The following THADA variants were observed in gnomAD, a reference collection of about 807,000 sequenced individuals.
The protein encoded by THADA is THADA armadillo repeat containing, also known as tRNA (32-2'-O)-methyltransferase regulator THADA.
A neutral mutation model predicts 219.8 loss-of-function variants in THADA; 213 were observed. That is an observed-to-expected ratio of 0.97 (90% CI 0.87 to 1.09). THADA has a LOEUF of 1.09. Ranked by LOEUF, THADA falls within the 50% of genes least tolerant of loss-of-function variation. THADA has a pLI of 0.00. For synonymous variants in THADA, 1,018 were observed against 828.9 expected (o/e 1.23, Z -3.92); for missense variants, 2,956 against 2,311.3 (o/e 1.28, Z -5.72).
chr2:43,232,877 C>G lies in THADA; in HGVS notation c.5302G>C (p.Ala1768Pro). 1 of 1,608,116 alleles carries G rather than the reference C, an allele frequency of 6.2e-7. No individual in the cohort carries two copies. The change falls in exon 37 of 38, where the codon GCC (alanine) becomes CCC (proline). Residue 1768 changes from alanine (A) to proline (P), a missense_variant. Physicochemically the swap from Ala to Pro is conservative, Grantham distance 27. Transcript: ENST00000405975. Reference protein sequence around the residue: ...QENTCQSTEFAFCQVDASIAL... With the variant: ...QENTCQSTEFPFCQVDASIAL... ...ATGGAGGCATCCACCTGGCAGAAGG[C>G]AAACTCTGCAAAGACAGGAGAAAGG...
intron 24 of THADA, among the ~76,000 whole-genome samples, chr2:43,501,743 A>G (rs1030894498): frequency 2.6e-5 from 4 of 152,198 alleles, no homozygotes; most frequent in African/African-American, 9.6e-5. Flanking sequence ...CAGGAGTTCA[A>G]GACCAGTCTG....
chr2:43,293,557 T>C (rs1315341130), intron 31 of THADA, among the ~76,000 whole-genome samples: 2 of 152,132 alleles, frequency 1.3e-5, no homozygotes, highest in Non-Finnish European at 2.9e-5. Context: ...TAGTATAAAC[T>C]TCCTTCAGGG....
intron 29 of THADA, among the ~76,000 whole-genome samples, chr2:43,357,404 CAT>C (rs1439880762): frequency 6.6e-6 from 1 of 152,114 alleles, no homozygotes; most frequent in Non-Finnish European, 1.5e-5. Flanking sequence ...GTATACATAA[CAT>C]ATTCTACACA....
At chr2:43,515,251 T>C (rs1291058159) in intron 22 of THADA, among the ~76,000 whole-genome samples, 9 of 25,890 alleles carry the variant, frequency 3.5e-4, no homozygotes, top group Non-Finnish European at 5.3e-4. Context: ...TAATATATTA[T>C]ATATAATATA....
intron 24 of THADA, among the ~76,000 whole-genome samples, chr2:43,502,323 G>A (rs1404015115): frequency 1.3e-5 from 2 of 152,108 alleles, no homozygotes; most frequent in East Asian, 1.9e-4. Context: ...GGTGGCTCAC[G>A]CCGGTAATCC....
intron 29 of THADA, among the ~76,000 whole-genome samples, chr2:43,348,099 G>A (rs150000887): frequency 8.3e-4 from 127 of 152,330 alleles, no homozygotes; most frequent in Non-Finnish European, 1.4e-3. Context: ...AGTGGCTGCA[G>A]ATGTTTTATT....
At chr2:43,442,024 T>A (rs1680901043) in intron 26 of THADA, among the ~76,000 whole-genome samples, 1 of 152,192 alleles carries the variant, frequency 6.6e-6, no homozygotes, top group South Asian at 2.1e-4. Flanking sequence ...ACAATATAAC[T>A]AATAGCATAA....
chr2:43,415,793 G>A (rs1336585506), intron 28 of THADA, among the ~76,000 whole-genome samples: 2 of 152,112 alleles, frequency 1.3e-5, no homozygotes, highest in Non-Finnish European at 2.9e-5. Context: ...CTGCTCTGCT[G>A]GCTAGCTTTC....
At chr2:43,233,073 A>ATGAG (rs1243276987) in intron 36 of THADA, 191 bp from the exon 37 acceptor site, 1 of 621,352 alleles carries the variant, frequency 1.6e-6, no homozygotes, top group African/African-American at 1.8e-5. Context: ...TACTGTTAGA[A>ATGAG]TGAGTCATAG....
chr2:43,347,938 G>T (rs966709969), intron 29 of THADA, among the ~76,000 whole-genome samples: 1 of 152,118 alleles, frequency 6.6e-6, no homozygotes, highest in African/African-American at 2.4e-5. Context: ...GTGCTGTTGG[G>T]TGATGAGATC....
chr2:43,362,734 A>G (rs1351091209), intron 29 of THADA, among the ~76,000 whole-genome samples: 1 of 152,168 alleles, frequency 6.6e-6, no homozygotes, highest in African/African-American at 2.4e-5. Flanking sequence ...TTGCTCTAAC[A>G]TTTTTACCTT....
intron 26 of THADA, among the ~76,000 whole-genome samples, chr2:43,453,364 T>C (rs1014216306): frequency 1.3e-5 from 2 of 152,326 alleles, no homozygotes; most frequent in African/African-American, 2.4e-5. Context: ...TTTCAACAGA[T>C]TGGCTGGATT....
intron 31 of THADA, among the ~76,000 whole-genome samples, chr2:43,311,601 A>T (rs1305309092): frequency 6.6e-6 from 1 of 152,194 alleles, no homozygotes; most frequent in Non-Finnish European, 1.5e-5. Context: ...ACAACCCAAA[A>T]GTGAAAACAA....
chr2:43,271,940 A>G (rs1672170646), intron 36 of THADA, among the ~76,000 whole-genome samples: 1 of 152,150 alleles, frequency 6.6e-6, no homozygotes, highest in Non-Finnish European at 1.5e-5. Context: ...ATTCCGGTGG[A>G]GAGAAACAAA....
intron 29 of THADA, among the ~76,000 whole-genome samples, chr2:43,356,062 A>G (rs2104573669): frequency 6.6e-6 from 1 of 152,332 alleles, no homozygotes; most frequent in East Asian, 1.9e-4. Flanking sequence ...TTTAAGACAG[A>G]AAACGGTTAA....
intron 36 of THADA, among the ~76,000 whole-genome samples, chr2:43,238,147 A>AAAAAAAAAAAAAT (rs1668251843): frequency 6.8e-6 from 1 of 146,306 alleles, no homozygotes; most frequent in Non-Finnish European, 1.5e-5. Flanking sequence ...AAAAAAAAAA[A>AAAAAAAAAAAAAT]AAAAAGGAAG....
chr2:43,528,130 T>A, intron 21 of THADA, 142 bp from the exon 22 acceptor site: 1 of 411,568 alleles, frequency 2.4e-6, no homozygotes, highest in Admixed American at 4.4e-5. Context: ...TTTAAGCTTT[T>A]TTTTTTTTTT....
At chr2:43,451,387 T>A (rs1328164785) in intron 26 of THADA, among the ~76,000 whole-genome samples, 1 of 152,166 alleles carries the variant, frequency 6.6e-6, no homozygotes, top group African/African-American at 2.4e-5. Context: ...GCACATTCCA[T>A]CCCCCACTGT....
intron 33 of THADA, 70 bp from the exon 34 acceptor site, chr2:43,291,838 C>G: frequency 7.3e-7 from 1 of 1,368,828 alleles, no homozygotes; most frequent in Non-Finnish European, 1.0e-6. Context: ...CCGGTTTTTG[C>G]AGATAGTCTG....
Sources: gnomAD v4.1 joint callset for allele counts (sites outside exome capture counted in the v4.1 genomes callset) on GRCh38, gnomAD v4.1.1 for gene constraint, MANE v1.5 for transcripts, NCBI Gene and HGNC (gene_info 2026-07-23, HGNC 2026-07-21) for gene names.